Variants in HHIPL2 observed in about 807,000 individuals in gnomAD.
HHIPL2 encodes HHIP-like protein 2.
A neutral mutation model predicts 61.0 loss-of-function variants in HHIPL2; 61 were observed. That is an observed-to-expected ratio of 1.00 (90% CI 0.81 to 1.24). The LOEUF (loss-of-function observed/expected upper bound fraction) is 1.24. Among genes scored for constraint, HHIPL2 ranks in the 50% most tolerant of loss-of-function variants. The pLI is 0.00. For missense variants in HHIPL2, 885 were observed against 910.2 expected (o/e 0.97, Z 0.36); for synonymous variants, 343 against 357.4 (o/e 0.96, Z 0.45).
Position 222,543,680 on chromosome 1 carries a change from C to A in HHIPL2, c.831G>T (p.Leu277Phe), listed in dbSNP as rs780716129. The change falls in exon 2 of 9, where the codon TTG (leucine) becomes TTT (phenylalanine). Residue 277 changes from leucine (L) to phenylalanine (F), a missense_variant. Coordinates refer to ENST00000343410, the MANE Select transcript of HHIPL2 (RefSeq NM_024746.4). ...WIGDERGFLG[L>F]AFHPKFRHNR... The stretch of plus-strand genomic sequence containing the variant: ...TGTGGCGGAATTTGGGGTGAAAAGC[C>A]AACCCCAAGAAGCCTCTCTCATCCC... 1 of 1,614,122 alleles carries A rather than the reference C, an allele frequency of 6.2e-7. No homozygotes were observed. The highest frequency in any genetic ancestry group is 1.3e-5 in the African/African-American group (1 of 75,020).
In HHIPL2 at chr1:222,527,003, G is replaced by A. The variant is rs769994706; in HGVS notation, c.1771C>T (p.Arg591Cys). 9 of 1,613,512 alleles carry A rather than the reference G, an allele frequency of 5.6e-6. No homozygotes were observed. Among genetic ancestry groups the A allele is most frequent in the East Asian group, 2.2e-5 (1 of 44,880 alleles). ...ATSYPSAYAP[R>C]GSIYKFVDPS... ...TCAACAAACTTGTAAATAGATCCACGTGGTGCATAGGCACTTGGGTAAGAG... is the reference window on the plus strand; with the variant it reads ...TCAACAAACTTGTAAATAGATCCACATGGTGCATAGGCACTTGGGTAAGAG... Residue 591 changes from arginine (R) to cysteine (C), a missense_variant, in exon 7 of 9, where the codon CGT (arginine) becomes TGT (cysteine). Coordinates refer to ENST00000343410, the MANE Select transcript of HHIPL2 (RefSeq NM_024746.4).
At chr1:222,530,070 G>A (rs191976405) in intron 6 of HHIPL2, among the ~76,000 whole-genome samples, 14 of 152,260 alleles carry the variant, frequency 9.2e-5, no homozygotes, top group Admixed American at 3.9e-4. Context: ...CCTCAGGGCC[G>A]CCCTTGGGTA....
At chr1:222,532,605 G>C (rs1043498024) in intron 5 of HHIPL2, among the ~76,000 whole-genome samples, 1 of 135,870 alleles carries the variant, frequency 7.4e-6, no homozygotes, top group Non-Finnish European at 1.5e-5. Context: ...GACAGAGCAA[G>C]ACTTTGTCTC....
chr1:222,539,044 A>G (rs956939928), intron 4 of HHIPL2: 2 of 428,372 alleles, frequency 4.7e-6, no homozygotes, highest in African/African-American at 4.0e-5. Flanking sequence ...CTGGAAATCC[A>G]CATGGCTAAG....
chr1:222,523,271 G>A (rs1658991581), intron 8 of HHIPL2, among the ~76,000 whole-genome samples: 1 of 152,142 alleles, frequency 6.6e-6, no homozygotes, highest in Non-Finnish European at 1.5e-5. Context: ...ACTCCTACAT[G>A]TCATAGGCTT....
In HHIPL2 at chr1:222,543,779, G is replaced by T; in HGVS notation, c.732C>A (p.Tyr244Ter). The T allele has an allele frequency of 6.2e-7, 1 of 1,614,150 alleles. No homozygotes were observed. Among genetic ancestry groups the T allele is most frequent in the Non-Finnish European group, 8.5e-7 (1 of 1,180,024 alleles). ...GCTCCAGGCGACTCCCATCAGGGAG[G>T]TAGACCCACACCACTCCTACCTGCT... ...VAEQVGVVWV[Y>*]LPDGSRLEQP... Residue 244 changes from tyrosine to a stop codon, truncating the protein, a stop_gained, in exon 2 of 9, where the codon TAC (tyrosine) becomes TAA (stop). Coordinates refer to ENST00000343410, the MANE Select transcript of HHIPL2 (RefSeq NM_024746.4). LOFTEE classifies it high-confidence loss of function.
Position 222,547,904 on chromosome 1 carries a change from A to T in HHIPL2, c.141T>A (p.Asp47Glu). 6.2e-7 allele frequency: 1 copy of T among 1,614,156 alleles called. No homozygotes were observed. The highest frequency in any genetic ancestry group is 8.5e-7 in the Non-Finnish European group (1 of 1,180,028). The change falls in exon 1 of 9, where the codon GAT becomes GAA. Residue 47 changes from aspartate to glutamate, a missense_variant. Transcript: ENST00000343410. ...GAGGGGGCTGGAAAGGGGGCCCGTAATCCAGGCACTGGGGGTGTCCCTGCA... is the reference window on the plus strand; with the variant it reads ...GAGGGGGCTGGAAAGGGGGCCCGTATTCCAGGCACTGGGGGTGTCCCTGCA... ...GLLQGHPQCL[D>E]YGPPFQPPLH...
At chr1:222,529,753 A>G (rs1659149735) in intron 6 of HHIPL2, among the ~76,000 whole-genome samples, 1 of 152,082 alleles carries the variant, frequency 6.6e-6, no homozygotes, top group Admixed American at 6.6e-5. Flanking sequence ...CATCAATTAA[A>G]CCTCAGCAAT....
chr1:222,544,680 T>C (rs958778121), intron 1 of HHIPL2, among the ~76,000 whole-genome samples: 1 of 152,176 alleles, frequency 6.6e-6, no homozygotes, highest in Non-Finnish European at 1.5e-5. Context: ...CATTTTCTTA[T>C]GGATGCTATA....
rs139893102 is a variant in HHIPL2, at chr1:222,532,037, G to A, written c.1652C>T (p.Thr551Met). Residue 551 changes from threonine to methionine, a missense_variant, in exon 6 of 9, where the codon ACG (threonine) becomes ATG (methionine). Transcript: ENST00000343410. Reference protein sequence around the residue: ...KKQDLCLGSTTSCAFPGLIST... With the variant: ...KKQDLCLGSTMSCAFPGLIST... ...GATCAGCCCTGGGAAGGCACAGGAC[G>A]TGGTGCTGCCCAGGCAAAGATCCTG... 3,235 of 1,613,838 alleles carry A rather than the reference G, an allele frequency of 2.0e-3. 7 individuals are homozygous for A. Among genetic ancestry groups the A allele is most frequent in the Non-Finnish European group, 2.5e-3 (2,971 of 1,179,706 alleles).
At chr1:222,532,900 G>C (rs892596241) in intron 5 of HHIPL2, among the ~76,000 whole-genome samples, 2 of 152,186 alleles carry the variant, frequency 1.3e-5, no homozygotes, top group African/African-American at 4.8e-5. Context: ...TACAGTAGCA[G>C]AAAGATGCTT....
intron 5 of HHIPL2, among the ~76,000 whole-genome samples, chr1:222,533,958 G>A (rs1659245532): frequency 6.6e-6 from 1 of 152,172 alleles, no homozygotes; most frequent in African/African-American, 2.4e-5. Flanking sequence ...ATACTCAACA[G>A]CAGATACATG....
At chr1:222,525,144 G>A (rs1333972504) in intron 7 of HHIPL2, 6 of 152,152 alleles carry the variant, frequency 3.9e-5, no homozygotes, top group South Asian at 2.1e-4. Context: ...TGCTTTATGG[G>A]TGCTTTCTGT....
intron 5 of HHIPL2, among the ~76,000 whole-genome samples, chr1:222,538,408 G>C (rs925422226): frequency 1.4e-5 from 2 of 140,802 alleles, no homozygotes; most frequent in African/African-American, 5.5e-5. Context: ...GTGAGCCCCT[G>C]GTATGAGAGA....
At chr1:222,542,303 A>T in intron 2 of HHIPL2, 148 bp from the exon 3 acceptor site, 1 of 816,166 alleles carries the variant, frequency 1.2e-6, no homozygotes. Context: ...ATCACAAAGC[A>T]AGTAGCTTTG....
intron 7 of HHIPL2, among the ~76,000 whole-genome samples, chr1:222,523,901 G>A (rs1356196331): frequency 2.0e-5 from 3 of 152,192 alleles, no homozygotes; most frequent in South Asian, 4.1e-4. Context: ...AGGCCCTTGA[G>A]AGACAGTGCA....
intron 5 of HHIPL2, among the ~76,000 whole-genome samples, chr1:222,536,408 T>A (rs950467849): frequency 1.3e-5 from 2 of 152,052 alleles, no homozygotes; most frequent in African/African-American, 4.8e-5. Flanking sequence ...ACTGGAAAAA[T>A]TCCTTGAAAG....
chr1:222,529,825 C>T (rs938647191), intron 6 of HHIPL2, among the ~76,000 whole-genome samples: 5 of 152,106 alleles, frequency 3.3e-5, no homozygotes, highest in Non-Finnish European at 2.9e-5. Context: ...ACTCTCAGGA[C>T]CCAGGATGTG....
chr1:222,538,238 G>A (rs1390898588), intron 5 of HHIPL2, among the ~76,000 whole-genome samples: 4 of 134,112 alleles, frequency 3.0e-5, no homozygotes, highest in African/African-American at 1.3e-4. Flanking sequence ...GTGTGTGTGT[G>A]TGTGTGTGTG....
Sources: allele counts gnomAD v4.1 joint callset (sites outside exome capture counted in the v4.1 genomes callset), GRCh38; gene constraint gnomAD v4.1.1; transcripts MANE v1.5; gene names NCBI Gene and HGNC (gene_info 2026-07-23, HGNC 2026-07-21).